The following SRP19 variants were observed in gnomAD, a reference collection of about 807,000 sequenced individuals.
SRP19 encodes signal recognition particle 19, also known as signal recognition particle 19 kDa protein.
A neutral mutation model predicts 22.4 loss-of-function variants in SRP19; 11 were observed. The observed-to-expected ratio is 0.49, with a 90% CI of 0.31 to 0.81. The LOEUF (loss-of-function observed/expected upper bound fraction) is 0.81, where lower values mean the gene tolerates loss of function less well. SRP19 is among the 40% of genes least tolerant of loss of function. The pLI is 0.05. For synonymous variants in SRP19, 61 were observed against 57.6 expected (o/e 1.06, Z -0.27); for missense variants, 168 against 175.9 (o/e 0.96, Z 0.25).
At chr5:112,873,809 G>A (rs896185463), downstream of SRP19, among the ~76,000 whole-genome samples, 1 of 151,836 alleles carries the variant, frequency 6.6e-6, no homozygotes, top group Non-Finnish European at 1.5e-5. Flanking sequence ...TCCCTATCAT[G>A]TTAAGTAGCT....
chr5:112,887,386 T>G (rs541023485), intron 4 of SRP19, among the ~76,000 whole-genome samples: 10 of 152,338 alleles, frequency 6.6e-5, no homozygotes, highest in African/African-American at 2.4e-4. Flanking sequence ...AAGGAAAAGC[T>G]GAGACTAAAA....
chr5:112,887,003 C>T, intron 4 of SRP19: 1 of 1,580,370 alleles, frequency 6.3e-7, no homozygotes, highest in African/African-American at 1.3e-5. Context: ...CCATCTTGTT[C>T]CTGAGTCTTA....
chr5:112,864,181 A>G (rs952530893), intron 2 of SRP19, among the ~76,000 whole-genome samples: 6 of 152,202 alleles, frequency 3.9e-5, no homozygotes, highest in Non-Finnish European at 8.8e-5. Flanking sequence ...TGTTGAGAGT[A>G]CCATGCTAGG....
chr5:112,884,984 A>G (rs952231836), intron 4 of SRP19: 1 of 152,196 alleles, frequency 6.6e-6, no homozygotes, highest in African/African-American at 2.4e-5. Flanking sequence ...ATAAATATTT[A>G]TTGAGTGAAT....
chr5:112,868,385 AT>A lies in SRP19; in HGVS notation c.*856del, dbSNP rs111722840. 2.4e-5 allele frequency: 24 copies of A among 1,001,636 alleles called. No homozygotes were observed. The highest frequency in any genetic ancestry group is 6.0e-5 in the Admixed American group (1 of 16,666). 62.0% of individuals were successfully genotyped at this position (1,001,636 alleles called of 1,614,324 possible). On this transcript the variant is annotated 3_prime_UTR_variant, in exon 5 of 5. Coordinates refer to ENST00000505459, the MANE Select transcript of SRP19 (RefSeq NM_003135.3). ...CTATCTCATATTTTCAGTAAATTCC[AT>A]TTTTTTTAAGTTTGTTTGTTTGTTT...
At chr5:112,878,468 G>A (rs995670960) in intron 4 of SRP19, 6 of 308,106 alleles carry the variant, frequency 1.9e-5, no homozygotes, top group Non-Finnish European at 3.0e-5. Flanking sequence ...GCCCAGTAAA[G>A]TACACAGCCT....
At chr5:112,881,963 G>A (rs1768090619) in intron 4 of SRP19, 1 of 151,504 alleles carries the variant, frequency 6.6e-6, no homozygotes, top group Non-Finnish European at 1.5e-5. Context: ...GTAGAGACTG[G>A]GTTTCACCAT....
downstream of SRP19, among the ~76,000 whole-genome samples, chr5:112,871,206 T>A (rs1261681373): frequency 1.3e-5 from 2 of 151,732 alleles, no homozygotes; most frequent in Non-Finnish European, 2.9e-5. Context: ...AATATATTGC[T>A]GTTTCTTCAC....
exon 5 of SRP19, chr5:112,892,619 G>A (rs753305048): frequency 1.2e-6 from 2 of 1,614,112 alleles, no homozygotes; most frequent in South Asian, 2.2e-5. Flanking sequence ...CAATGTCCAA[G>A]AGGAAAACAC....
chr5:112,865,100 T>C (rs1767547124), intron 4 of SRP19: 1 of 158,822 alleles, frequency 6.3e-6, no homozygotes. Flanking sequence ...ATCTAATGAT[T>C]CTATCATTAA....
chr5:112,872,536 C>T (rs992710394), downstream of SRP19, among the ~76,000 whole-genome samples: 6 of 152,036 alleles, frequency 3.9e-5, no homozygotes, highest in African/African-American at 1.4e-4. Context: ...GCTGTGTTGG[C>T]CAGGCTGGTC....
chr5:112,878,791 T>C (rs1191537240), intron 4 of SRP19: 1 of 1,614,010 alleles, frequency 6.2e-7, no homozygotes, highest in Non-Finnish European at 8.5e-7. Context: ...CTGGTTTAGG[T>C]GCTCTTCTTT....
chr5:112,898,272 G>A (rs947352207), exon 4 of SRP19: 2 of 152,172 alleles, frequency 1.3e-5, no homozygotes, highest in Admixed American at 6.5e-5. Flanking sequence ...CACTAATGTA[G>A]GAAGAAAGTA....
Position 112,867,887 on chromosome 5 carries a change from T to G in SRP19, c.*350T>G. On this transcript the variant is annotated 3_prime_UTR_variant, in exon 5 of 5. Transcript: ENST00000505459. ...ACATTTTGTCCACCTTTTAAGTTAA[T>G]GAAATAAAATTTGAAACTGACTTTT... The G allele has an allele frequency of 1.0e-6, 1 of 992,746 alleles. No individual in the cohort carries two copies. The highest frequency in any genetic ancestry group is 1.2e-6 in the Non-Finnish European group (1 of 833,346). 61.5% of individuals were successfully genotyped at this position (992,746 alleles called of 1,614,324 possible). A position where few individuals can be genotyped will look rare whatever the true frequency, so the allele number is the denominator to read the frequency against.
At chr5:112,866,899 A>G (rs1767623672) in intron 4 of SRP19, among the ~76,000 whole-genome samples, 1 of 152,200 alleles carries the variant, frequency 6.6e-6, no homozygotes, top group Non-Finnish European at 1.5e-5. Context: ...GAGCTGAGGA[A>G]CTTGGTCTGT....
chr5:112,889,853 T>C (rs1289455812), intron 4 of SRP19, among the ~76,000 whole-genome samples: 2 of 147,718 alleles, frequency 1.4e-5, no homozygotes, highest in Non-Finnish European at 3.0e-5. Flanking sequence ...TTGAGACTGA[T>C]TCTTGCTCTC....
downstream of SRP19, chr5:112,893,185 G>A (rs1447718391): frequency 5.8e-6 from 3 of 515,140 alleles, no homozygotes; most frequent in African/African-American, 2.0e-5. Flanking sequence ...TGAGGTGGGT[G>A]GATCACTTGA....
intron 2 of SRP19, among the ~76,000 whole-genome samples, chr5:112,863,199 C>T (rs1369882786): frequency 6.6e-6 from 1 of 152,144 alleles, no homozygotes; most frequent in African/African-American, 2.4e-5. Context: ...GGATGACCAC[C>T]GTTATGACTT....
intron 4 of SRP19, chr5:112,885,752 A>C (rs912632571): frequency 2.2e-5 from 6 of 274,986 alleles, no homozygotes; most frequent in Non-Finnish European, 4.6e-5. Flanking sequence ...GAACTAATTA[A>C]TTTTGACTAC....
Sources: gnomAD v4.1 joint callset for allele counts (sites outside exome capture counted in the v4.1 genomes callset) on GRCh38, gnomAD v4.1.1 for gene constraint, MANE v1.5 for transcripts, NCBI Gene and HGNC (gene_info 2026-07-23, HGNC 2026-07-21) for gene names.